Variants in MGAT5 observed in about 807,000 individuals in gnomAD.
MGAT5 encodes the protein alpha-1,6-mannosylglycoprotein 6-beta-N-acetylglucosaminyltransferase.
MGAT5 carries 30 observed loss-of-function variants against 94.3 expected under a neutral mutation model. That is an observed-to-expected ratio of 0.32 (90% CI 0.24 to 0.43). The LOEUF (loss-of-function observed/expected upper bound fraction) is 0.43. Ranked by LOEUF, MGAT5 falls within the 20% of genes least tolerant of loss-of-function variation. MGAT5 has a pLI of 1.00. For missense variants in MGAT5, 691 were observed against 905.5 expected, an observed-to-expected ratio of 0.76 and a Z score of 3.04; for synonymous variants, 310 against 322.9, an observed-to-expected ratio of 0.96 and a Z score of 0.43.
intron 7 of MGAT5, among the ~76,000 whole-genome samples, chr2:134,344,433 GA>G (rs1242247906): frequency 1.3e-5 from 2 of 151,922 alleles, no homozygotes; most frequent in African/African-American, 4.8e-5. Context: ...AAGGGGAGGG[GA>G]AGGTTAGTAA....
intron 1 of MGAT5, among the ~76,000 whole-genome samples, chr2:134,151,951 CACT>C (rs1166250498): frequency 1.2e-5 from 1 of 86,330 alleles, no homozygotes; most frequent in Non-Finnish European, 3.3e-5. Context: ...CATGGGACCT[CACT>C]CACTCAAGCC....
chr2:134,237,284 C>T (rs1681698961), intron 1 of MGAT5, among the ~76,000 whole-genome samples: 1 of 152,196 alleles, frequency 6.6e-6, no homozygotes, highest in African/African-American at 2.4e-5. Context: ...TGAGACTTCC[C>T]ACTCAGCCAT....
chr2:134,388,680 G>T (rs1682188859), intron 10 of MGAT5, among the ~76,000 whole-genome samples: 1 of 146,424 alleles, frequency 6.8e-6, no homozygotes, highest in African/African-American at 2.5e-5. Flanking sequence ...TTTACTAATT[G>T]CATACCTGTG....
intron 2 of MGAT5, among the ~76,000 whole-genome samples, chr2:134,302,786 C>G (rs1238051632): frequency 6.9e-6 from 1 of 144,186 alleles, no homozygotes; most frequent in Non-Finnish European, 1.5e-5. Context: ...CAGCCTCCTT[C>G]TTCTGACGAG....
chr2:134,298,893 C>T (rs1414606995), intron 2 of MGAT5, among the ~76,000 whole-genome samples: 5 of 152,062 alleles, frequency 3.3e-5, no homozygotes, highest in African/African-American at 1.2e-4. Flanking sequence ...AAGACTGTAC[C>T]TTCCCTCTGA....
chr2:134,251,952 C>CT (rs1014599720), upstream of MGAT5, among the ~76,000 whole-genome samples: 2 of 152,202 alleles, frequency 1.3e-5, no homozygotes, highest in African/African-American at 4.8e-5. Context: ...ATGATAGCAA[C>CT]TTTTTAGCTT....
intron 1 of MGAT5, among the ~76,000 whole-genome samples, chr2:134,248,688 G>T (rs1264760674): frequency 1.4e-4 from 1 of 7,284 alleles, no homozygotes; most frequent in Non-Finnish European, 2.7e-4. Context: ...GCTGTCCTAT[G>T]TGAATGTGTG....
At chr2:134,262,793 T>C (rs1683419309) in intron 1 of MGAT5, among the ~76,000 whole-genome samples, 1 of 152,190 alleles carries the variant, frequency 6.6e-6, no homozygotes, top group South Asian at 2.1e-4. Context: ...GATCTGACGT[T>C]GTTCATTTGT....
intron 10 of MGAT5, among the ~76,000 whole-genome samples, chr2:134,374,195 T>G (rs1211137834): frequency 6.6e-6 from 1 of 152,148 alleles, no homozygotes; most frequent in Non-Finnish European, 1.5e-5. Context: ...TTGGGCCAGT[T>G]GAAGGAAGTC....
intron 1 of MGAT5, among the ~76,000 whole-genome samples, chr2:134,189,592 G>GTTTTTTTTTTT (rs113582076): frequency 4.8e-4 from 27 of 56,276 alleles, no homozygotes; most frequent in African/African-American, 1.2e-3. Context: ...CATGGCTCTA[G>GTTTTTTTTTTT]TTTTTTTTTG....
At chr2:134,414,380 G>A (rs1249431712) in intron 12 of MGAT5, among the ~76,000 whole-genome samples, 1 of 152,196 alleles carries the variant, frequency 6.6e-6, no homozygotes, top group Non-Finnish European at 1.5e-5. Flanking sequence ...CTGCCCAGCA[G>A]TGAAAATATC....
At chr2:134,308,713 A>G (rs971340110) in intron 2 of MGAT5, among the ~76,000 whole-genome samples, 1 of 152,184 alleles carries the variant, frequency 6.6e-6, no homozygotes, top group Non-Finnish European at 1.5e-5. Context: ...TACATACCAC[A>G]CATTTCACAT....
chr2:134,279,861 G>A (rs967693948), intron 2 of MGAT5, among the ~76,000 whole-genome samples: 1 of 152,152 alleles, frequency 6.6e-6, no homozygotes, highest in Non-Finnish European at 1.5e-5. Flanking sequence ...ATAGTCCCTT[G>A]TCTGTGCTGT....
chr2:134,265,796 G>T (rs1271740321), intron 1 of MGAT5, among the ~76,000 whole-genome samples: 1 of 152,110 alleles, frequency 6.6e-6, no homozygotes, highest in East Asian at 1.9e-4. Flanking sequence ...CTAGAATTTG[G>T]AGTAATATTT....
At chr2:134,381,334 G>A (rs1364680519) in intron 10 of MGAT5, among the ~76,000 whole-genome samples, 1 of 76,318 alleles carries the variant, frequency 1.3e-5, no homozygotes, top group African/African-American at 5.5e-5. Context: ...CTGTCTCATA[G>A]ATAGATAGAT....
At chr2:134,389,052 G>A (rs1001048346) in intron 10 of MGAT5, among the ~76,000 whole-genome samples, 2 of 151,968 alleles carry the variant, frequency 1.3e-5, no homozygotes, top group Non-Finnish European at 2.9e-5. Flanking sequence ...CCAAGTGCCT[G>A]AGCCACCGCC....
intron 1 of MGAT5, among the ~76,000 whole-genome samples, chr2:134,122,584 C>T (rs373714809): frequency 3.3e-5 from 5 of 152,146 alleles, no homozygotes; most frequent in African/African-American, 1.2e-4. Context: ...ACTGTTTCAC[C>T]CTTTGTAGGG....
At position 134,254,336 on chromosome 2, in the gene MGAT5, T is replaced by C; in HGVS notation, c.-68T>C. 1 of 1,578,888 alleles carries C rather than the reference T, an allele frequency of 6.3e-7. No homozygotes were observed. On this transcript the variant is annotated 5_prime_UTR_variant, in exon 1 of 16. Coordinates refer to ENST00000281923, the MANE Select transcript of MGAT5 (RefSeq NM_002410.5). The stretch of plus-strand genomic sequence containing the variant: ...GACCAGCAGACTCTCACACTCAACC[T>C]ACACCATGAATTTGTGTCTATCTTC...
chr2:134,287,895 TAA>T (rs1457948324), intron 2 of MGAT5, among the ~76,000 whole-genome samples: 2 of 152,250 alleles, frequency 1.3e-5, no homozygotes, highest in Non-Finnish European at 2.9e-5. Flanking sequence ...ATCCTCTGTG[TAA>T]ATACTTGGTA....
Sources: allele counts gnomAD v4.1 joint callset (sites outside exome capture counted in the v4.1 genomes callset), GRCh38; gene constraint gnomAD v4.1.1; transcripts MANE v1.5; gene names NCBI Gene and HGNC (gene_info 2026-07-23, HGNC 2026-07-21).